The following HSPA9 variants were observed in gnomAD, a reference collection of about 807,000 sequenced individuals.
The protein encoded by HSPA9 is stress-70 protein, mitochondrial.
In HSPA9, 28 loss-of-function variants were observed where a neutral mutation model predicts 81.5. The observed-to-expected ratio is 0.34, with a 90% CI of 0.25 to 0.47. The LOEUF is 0.47. Among genes scored for constraint, HSPA9 ranks in the 20% least tolerant of loss-of-function variants. The probability of loss-of-function intolerance (pLI) is 1.00; values close to 1 mark genes in which losing one functional copy is unlikely to be tolerated. For synonymous variants in HSPA9, 293 were observed against 290.4 expected, an observed-to-expected ratio of 1.01 and a Z score of -0.09; for missense variants, 678 against 838.0, an observed-to-expected ratio of 0.81 and a Z score of 2.36.
At chr5:138,561,823 G>A in intron 9 of HSPA9, 34 bp from the exon 10 acceptor site, 2 of 1,502,094 alleles carry the variant, frequency 1.3e-6, no homozygotes, top group South Asian at 1.1e-5. Context: ...ATGTCAGCGA[G>A]CAGGCCAAAT....
intron 5 of HSPA9, among the ~76,000 whole-genome samples, chr5:138,568,245 C>A (rs565010379): frequency 2.0e-5 from 3 of 151,988 alleles, no homozygotes; most frequent in Non-Finnish European, 4.4e-5. Flanking sequence ...GCCTGTAATC[C>A]CAGCACTCTG....
chr5:138,556,467 T>G lies in HSPA9; in HGVS notation c.1947A>C (p.Glu649Asp). 2 of 1,613,902 alleles carry G rather than the reference T, an allele frequency of 1.2e-6. No homozygotes were observed. The highest frequency in any genetic ancestry group is 1.7e-4 in the Middle Eastern group (1 of 6,014). ...GCCCTTGTACCTTTTTGTATGCCAT[T>G]TCGAACAGCTTCAGTGATGCCTGCT... Reference protein sequence around the residue: ...SLQQASLKLFEMAYKKMASER... With the variant: ...SLQQASLKLFDMAYKKMASER... The change falls in exon 16 of 17, where the codon GAA (glutamate) becomes GAC (aspartate). Residue 649 changes from glutamate (E) to aspartate (D), a missense_variant. Around this residue, in one of 4 missense-constraint regions of HSPA9, gnomAD observed 100 missense variants for 99.5 expected, o/e 1.00. Coordinates refer to ENST00000297185, the MANE Select transcript of HSPA9 (RefSeq NM_004134.7).
In HSPA9 at chr5:138,571,060, G is replaced by C. The variant is rs866432597; in HGVS notation, c.310C>G (p.Pro104Ala). ...TTGGTGACAGCCTGTCGCTTGGCCGGCATTCCAACAAGTCGCTCACCATCT... is the reference window on the plus strand; with the variant it reads ...TTGGTGACAGCCTGTCGCTTGGCCGCCATTCCAACAAGTCGCTCACCATCT... ...TADGERLVGM[P>A]AKRQAVTNPN... Residue 104 changes from proline (P) to alanine (A), a missense_variant, in exon 4 of 17, where the codon CCG becomes GCG. Transcript: ENST00000297185. 2.5e-6 allele frequency: 4 copies of C among 1,614,030 alleles called. No individual in the cohort carries two copies. Among genetic ancestry groups the C allele is most frequent in the Non-Finnish European group, 3.4e-6 (4 of 1,180,026 alleles).
chr5:138,574,043 T>C (rs1173550025), intron 2 of HSPA9, 25 bp downstream of exon 2: 4 of 1,582,810 alleles, frequency 2.5e-6, no homozygotes, highest in Middle Eastern at 1.7e-4. Context: ...GTATTCCCTC[T>C]CAAAGGAAAT....
chr5:138,556,780 A>T lies in HSPA9; in HGVS notation c.1815T>A (p.Ala605=). ...KMEEFKDQLP[A]DECNKLKEEI... ...ACTTTAAAATAGAACTCACCTCATC[A>T]GCAGGTAATTGGTCCTTGAATTCTT... Residue 605 remains alanine (A), a synonymous_variant, in exon 15 of 17, where the codon GCT becomes GCA. Coordinates refer to ENST00000297185, the MANE Select transcript of HSPA9 (RefSeq NM_004134.7). 1 of 1,611,820 alleles carries T rather than the reference A, an allele frequency of 6.2e-7. No individual in the cohort carries two copies. Among genetic ancestry groups the T allele is most frequent in the Non-Finnish European group, 8.5e-7 (1 of 1,177,886 alleles).
chr5:138,575,296 G>A lies in HSPA9; in HGVS notation c.23C>T (p.Ala8Val), dbSNP rs374931364. The part of the protein sequence containing the change: MISASRA[A>V]AARLVGAAAS... Reference sequence around the variant, plus strand: ...TGCGGCGCCCACGAGACGGGCTGCTGCAGCTCGGCTGGCACTTATCATGGC... The same window carrying A: ...TGCGGCGCCCACGAGACGGGCTGCTACAGCTCGGCTGGCACTTATCATGGC... The change falls in exon 1 of 17, where the codon GCA becomes GTA. Residue 8 changes from alanine to valine, a missense_variant. Ala to Val is a moderately conservative substitution (Grantham distance 64). This residue lies in a region of HSPA9 where 89 missense variants were observed against 70.4 expected (regional missense o/e 1.27). Transcript: ENST00000297185. 16 of 1,612,144 alleles carry A rather than the reference G, an allele frequency of 9.9e-6. No homozygotes were observed. In the African/African-American group the frequency reaches 1.6e-4, roughly 16 times the overall value.
Position 138,575,354 on chromosome 5 carries a change from G to C in HSPA9, c.-36C>G, listed in dbSNP as rs753831569. On this transcript the variant is annotated 5_prime_UTR_variant, in exon 1 of 17. Transcript: ENST00000297185. ...TGGAGGAGTACGAGGCAGCAAACAA[G>C]CGCTCCGACGGCAAAGAGCTGCGCG... 1.9e-6 allele frequency: 3 copies of C among 1,548,746 alleles called. No homozygotes were observed. The highest frequency in any genetic ancestry group is 1.1e-5 in the South Asian group (1 of 88,754).
intron 14 of HSPA9, chr5:138,557,191 T>A: frequency 1.6e-6 from 1 of 622,146 alleles, no homozygotes; most frequent in Non-Finnish European, 2.9e-6. Flanking sequence ...TCTCCCACTT[T>A]CTTGTTCAAG....
chr5:138,554,878 G>GAAAT lies in HSPA9; in HGVS notation c.*1155_*1158dup, dbSNP rs1750486969. ...CCAGTACACTGAGGACAGAAAAGCA[G>GAAAT]AAATAGGGAAAGAAATCTGGGTTCC... On this transcript the variant is annotated 3_prime_UTR_variant, in exon 17 of 17. Transcript: ENST00000297185. 1 of 152,202 alleles carries GAAAT rather than the reference G, an allele frequency of 6.6e-6. No homozygotes were observed. Among genetic ancestry groups the GAAAT allele is most frequent in the Non-Finnish European group, 1.5e-5 (1 of 68,030 alleles). The allele number at this position is 152,202 out of a possible 1,614,324, so 9.4% of individuals were successfully genotyped here.
rs751225293 is a variant in HSPA9 at position 138,575,385 on chromosome 5, G to C, written c.-67C>G. 8.7e-6 allele frequency: 12 copies of C among 1,374,944 alleles called. No homozygotes were observed. The highest frequency in any genetic ancestry group is 1.4e-5 in the African/African-American group (1 of 70,432). The allele number at this position is 1,374,944 out of a possible 1,614,324, so 85.2% of individuals were successfully genotyped here. A position where few individuals can be genotyped will look rare whatever the true frequency, so the allele number is the denominator to read the frequency against. On this transcript the variant is annotated 5_prime_UTR_variant, in exon 1 of 17. Coordinates refer to ENST00000297185, the MANE Select transcript of HSPA9 (RefSeq NM_004134.7). ...CGACGGCAAAGAGCTGCGCGATGCG[G>C]TGGCGGCAGCGCTTCTGGAAACCTC...
chr5:138,573,641 CAAAAAAAAAAAAA>C lies in HSPA9; in HGVS notation c.228+109_228+121del, dbSNP rs57776368. On this transcript the variant is annotated intron_variant, in intron 3 of 16. Coordinates refer to ENST00000297185, the MANE Select transcript of HSPA9 (RefSeq NM_004134.7). The stretch of plus-strand genomic sequence containing the variant: ...CACCATGGGCTATAGAGACTGTCTC[CAAAAAAAAAAAAA>C]AAAAAAAAAAAAAAGCGCAAATCAG... 112 of 304,364 alleles carry C rather than the reference CAAAAAAAAAAAAA, an allele frequency of 3.7e-4. 1 individual carries two copies. The highest frequency in any genetic ancestry group is 5.3e-4 in the Non-Finnish European group (89 of 168,588). The allele number at this position is 304,364 out of a possible 1,614,324, so 18.9% of individuals were successfully genotyped here. A position where few individuals can be genotyped will look rare whatever the true frequency, so the allele number is the denominator to read the frequency against.
At chr5:138,565,195 C>G (rs752288167) in intron 9 of HSPA9, among the ~76,000 whole-genome samples, 26 of 152,202 alleles carry the variant, frequency 1.7e-4, no homozygotes, top group Non-Finnish European at 3.4e-4. Context: ...TCCAACACCT[C>G]GCATCCCCTA....
At chr5:138,558,146 T>A (rs1358006233) in intron 12 of HSPA9, among the ~76,000 whole-genome samples, 160 bp from the exon 13 acceptor site, 1 of 152,212 alleles carries the variant, frequency 6.6e-6, no homozygotes, top group Non-Finnish European at 1.5e-5. Flanking sequence ...CAGTAGTAGT[T>A]CGCTGCCTGA....
chr5:138,565,355 T>C (rs914143611), intron 9 of HSPA9, among the ~76,000 whole-genome samples: 1 of 152,006 alleles, frequency 6.6e-6, no homozygotes, highest in African/African-American at 2.4e-5. Context: ...TGTATAACTA[T>C]GTCACTCCTC....
Position 138,566,989 on chromosome 5 carries a change from T to G in HSPA9, c.879+12A>C. The G allele has an allele frequency of 6.2e-7, 1 of 1,612,002 alleles. No homozygotes were observed. The highest frequency in any genetic ancestry group is 8.5e-7 in the Non-Finnish European group (1 of 1,179,444). ...TCCCAACGTCTACATATTAACCACA[T>G]TGGTAACTCACCTCTCTCTTGAACT... On this transcript the variant is annotated intron_variant, in intron 8 of 16. Coordinates refer to ENST00000297185, the MANE Select transcript of HSPA9 (RefSeq NM_004134.7).
chr5:138,565,620 T>C (rs1458813311), intron 9 of HSPA9, among the ~76,000 whole-genome samples: 1 of 152,224 alleles, frequency 6.6e-6, no homozygotes, highest in Non-Finnish European at 1.5e-5. Context: ...CTCTCAGAAC[T>C]GGAGCTAACC....
At chr5:138,558,845 G>T in intron 11 of HSPA9, 188 bp from the exon 12 acceptor site, 3 of 575,530 alleles carry the variant, frequency 5.2e-6, no homozygotes, top group Non-Finnish European at 3.1e-6. Context: ...GCATACAATA[G>T]CAACTGTTTC....
chr5:138,575,187 G>A (rs1393015236), intron 1 of HSPA9, 51 bp downstream of exon 1: 2 of 1,310,240 alleles, frequency 1.5e-6, no homozygotes, highest in Non-Finnish European at 2.2e-6. Flanking sequence ...CGAAGCCCGA[G>A]GCCCAAGGCC....
At chr5:138,564,108 CATTTTT>C (rs1750711838) in intron 9 of HSPA9, among the ~76,000 whole-genome samples, 1 of 151,910 alleles carries the variant, frequency 6.6e-6, no homozygotes, top group South Asian at 2.1e-4. Flanking sequence ...TTTTATTTTT[CATTTTT>C]ATTTTTTGAG....
Sources: gnomAD v4.1 joint callset for allele counts (sites outside exome capture counted in the v4.1 genomes callset) on GRCh38, gnomAD v4.1.1 for gene constraint, gnomAD v4.1.1 regional missense constraint, MANE v1.5 for transcripts, NCBI Gene and HGNC (gene_info 2026-07-23, HGNC 2026-07-21) for gene names.